The following CBFA2T3 variants were observed in gnomAD, a reference collection of about 807,000 sequenced individuals.
CBFA2T3 encodes CBFA2/RUNX1 partner transcriptional co-repressor 3, also known as transcriptional corepressor CBFA2T3.
In CBFA2T3, 31 loss-of-function variants were observed where a neutral mutation model predicts 58.6. The observed-to-expected ratio is 0.53, with a 90% CI of 0.40 to 0.71. The LOEUF is 0.71. Among genes scored for constraint, CBFA2T3 ranks in the 30% least tolerant of loss-of-function variants. CBFA2T3 has a pLI of 0.00. For synonymous variants in CBFA2T3, 531 were observed against 421.9 expected (o/e 1.26, Z -3.17); for missense variants, 1,076 against 963.1 (o/e 1.12, Z -1.55).
At chr16:88,966,341 G>C (rs1279180427) in intron 1 of CBFA2T3, among the ~76,000 whole-genome samples, 1 of 152,136 alleles carries the variant, frequency 6.6e-6, no homozygotes, top group Non-Finnish European at 1.5e-5. Context: ...TGCCGGGGTA[G>C]GGGGGTGGCA....
chr16:88,896,910 A>G (rs915668367), intron 3 of CBFA2T3, among the ~76,000 whole-genome samples: 53 of 152,232 alleles, frequency 3.5e-4, no homozygotes, highest in Non-Finnish European at 1.3e-4. Context: ...GCTGCTGGGC[A>G]GTCTCAGCAG....
chr16:88,898,030 G>T, intron 3 of CBFA2T3, 48 bp downstream of exon 3: 1 of 1,370,644 alleles, frequency 7.3e-7, no homozygotes, highest in Non-Finnish European at 1.0e-6. Flanking sequence ...TGAGGATGCT[G>T]CGGTGAAGAC....
intron 3 of CBFA2T3, among the ~76,000 whole-genome samples, chr16:88,893,775 C>A (rs1969749867): frequency 6.6e-6 from 1 of 152,220 alleles, no homozygotes; most frequent in South Asian, 2.1e-4. Flanking sequence ...CCGGGCCTCA[C>A]CCCTTTTCTC....
intron 1 of CBFA2T3, among the ~76,000 whole-genome samples, chr16:88,967,677 C>T (rs1345755806): frequency 6.6e-6 from 1 of 152,202 alleles, no homozygotes; most frequent in African/African-American, 2.4e-5. Context: ...GCGTGCTGCC[C>T]TGCGTGGCTC....
chr16:88,945,147 A>G (rs1000007589), intron 1 of CBFA2T3, among the ~76,000 whole-genome samples: 2 of 152,256 alleles, frequency 1.3e-5, no homozygotes, highest in African/African-American at 2.4e-5. Flanking sequence ...GCGGGTGGCT[A>G]ATGGATTCTA....
chr16:88,976,256 AC>A (rs1972857859), intron 1 of CBFA2T3, among the ~76,000 whole-genome samples: 1 of 151,966 alleles, frequency 6.6e-6, no homozygotes, highest in South Asian at 2.1e-4. Context: ...TCCTCATCCA[AC>A]CTGCTGTGAG....
At chr16:88,878,103 G>A (rs1457519476) in intron 11 of CBFA2T3, among the ~76,000 whole-genome samples, 2 of 152,204 alleles carry the variant, frequency 1.3e-5, no homozygotes, top group South Asian at 4.1e-4. Context: ...CCGCTCCCCC[G>A]ATGCCTGCGT....
At chr16:88,936,580 G>C (rs973572104) in intron 1 of CBFA2T3, among the ~76,000 whole-genome samples, 1 of 152,226 alleles carries the variant, frequency 6.6e-6, no homozygotes, top group East Asian at 1.9e-4. Context: ...CGACGGGGCA[G>C]AACCGGCCCT....
intron 5 of CBFA2T3, 110 bp downstream of exon 5, chr16:88,891,772 G>A (rs1969640389): frequency 2.7e-6 from 2 of 730,062 alleles, no homozygotes; most frequent in Non-Finnish European, 4.7e-6. Context: ...TGCCTATCTG[G>A]CCACTTAAGC....
At chr16:88,888,259 G>A (rs1380098002) in intron 5 of CBFA2T3, among the ~76,000 whole-genome samples, 2 of 150,884 alleles carry the variant, frequency 1.3e-5, no homozygotes, top group East Asian at 4.1e-4. Flanking sequence ...TTCAAGGACT[G>A]CGTGAGAGTA....
At chr16:88,894,011 G>A (rs1433856218) in intron 3 of CBFA2T3, among the ~76,000 whole-genome samples, 4 of 152,124 alleles carry the variant, frequency 2.6e-5, no homozygotes, top group Admixed American at 6.5e-5. Flanking sequence ...CTGTCAGGAG[G>A]ACTGAAGCCC....
In CBFA2T3 at chr16:88,886,457, G is replaced by A. The variant is rs149434213; in HGVS notation, c.712-315C>T. 157 of 282,282 alleles carry A rather than the reference G, an allele frequency of 5.6e-4. No homozygotes were observed. The Middle Eastern group carries it at 5.9e-3, about 11-fold the overall frequency. The allele number at this position is 282,282 out of a possible 1,614,324, so 17.5% of individuals were successfully genotyped here. On this transcript the variant is annotated intron_variant, in intron 5 of 11. Transcript: ENST00000268679. ...CCCACCGCACCCAGCTCCCTCCCAT[G>A]GCGTGGTCTGGAGAAGGCGAGAGGA...
At chr16:88,888,711 CTTTA>C (rs1969500978) in intron 5 of CBFA2T3, among the ~76,000 whole-genome samples, 1 of 150,396 alleles carries the variant, frequency 6.6e-6, no homozygotes, top group Non-Finnish European at 1.5e-5. Context: ...GCCGCAAGAT[CTTTA>C]TTTTTTATTT....
intron 7 of CBFA2T3, chr16:88,883,626 T>C (rs960810938): frequency 8.6e-5 from 13 of 150,846 alleles, no homozygotes; most frequent in Admixed American, 5.9e-4. Flanking sequence ...ATGGGAGACG[T>C]GAGTGACGCC....
intron 3 of CBFA2T3, among the ~76,000 whole-genome samples, chr16:88,893,386 T>G (rs927046889): frequency 6.7e-6 from 1 of 149,542 alleles, no homozygotes; most frequent in African/African-American, 2.5e-5. Context: ...CCTACAAGTG[T>G]CTCCCAGCCC....
chr16:88,966,485 C>G (rs1247093364), intron 1 of CBFA2T3, among the ~76,000 whole-genome samples: 1 of 120,084 alleles, frequency 8.3e-6, no homozygotes, highest in Non-Finnish European at 1.6e-5. Flanking sequence ...GGGGTGACCA[C>G]CAAACCCATG....
chr16:88,975,201 C>CTGCTCCT (rs1302692569), intron 1 of CBFA2T3, among the ~76,000 whole-genome samples: 2 of 109,970 alleles, frequency 1.8e-5, no homozygotes, highest in Non-Finnish European at 3.7e-5. Context: ...TGTCAGAGGT[C>CTGCTCCT]CACCCTGACC....
At chr16:88,975,159 CCCTGACCCTCTCTG>C (rs1972797219) in intron 1 of CBFA2T3, among the ~76,000 whole-genome samples, 2 of 139,494 alleles carry the variant, frequency 1.4e-5, no homozygotes, top group Admixed American at 7.2e-5. Context: ...CAGAGGTCCA[CCCTGACCCTCTCTG>C]CTCCACATCT....
At chr16:88,889,677 G>A (rs1441985655) in intron 5 of CBFA2T3, among the ~76,000 whole-genome samples, 1 of 151,940 alleles carries the variant, frequency 6.6e-6, no homozygotes, top group East Asian at 1.9e-4. Context: ...AGACCTTCCT[G>A]AAGCACTCCT....
Sources: gnomAD v4.1 joint callset for allele counts (sites outside exome capture counted in the v4.1 genomes callset) on GRCh38, gnomAD v4.1.1 for gene constraint, MANE v1.5 for transcripts, NCBI Gene and HGNC (gene_info 2026-07-23, HGNC 2026-07-21) for gene names.